CPB2: variants seen among roughly 807,000 people sequenced by gnomAD.
CPB2 encodes the protein carboxypeptidase B-like protein.
A neutral mutation model predicts 57.0 loss-of-function variants in CPB2; 54 were observed. That is an observed-to-expected ratio of 0.95 (90% confidence interval 0.76 to 1.19). The LOEUF (loss-of-function observed/expected upper bound fraction) is 1.19, where lower values mean the gene tolerates loss of function less well. CPB2 is among the 50% of genes most tolerant of loss of function. The pLI, the probability that CPB2 is intolerant of heterozygous loss-of-function variation, is 0.00. For missense variants in CPB2, 426 were observed against 512.0 expected, an observed-to-expected ratio of 0.83 and a Z score of 1.62; for synonymous variants, 189 against 178.1, an observed-to-expected ratio of 1.06 and a Z score of -0.49.
chr13:46,069,176 A>G (rs1157690557), intron 6 of CPB2, among the ~76,000 whole-genome samples: 5 of 152,196 alleles, frequency 3.3e-5, no homozygotes, highest in Non-Finnish European at 7.3e-5. Context: ...GCCCAGAACA[A>G]TGTTACCTAT....
At chr13:46,080,903 C>T (rs1025449597) in intron 4 of CPB2, among the ~76,000 whole-genome samples, 1 of 146,258 alleles carries the variant, frequency 6.8e-6, no homozygotes, top group Non-Finnish European at 1.5e-5. Flanking sequence ...ACCCAAGAGG[C>T]GCAGGTTGCA....
chr13:46,067,302 C>T lies in CPB2; in HGVS notation c.702+5G>A. The T allele has an allele frequency of 7.2e-7, 1 of 1,398,414 alleles. No individual in the cohort carries two copies. The highest frequency in any genetic ancestry group is 1.0e-6 in the Non-Finnish European group (1 of 985,934). 86.6% of individuals were successfully genotyped at this position (1,398,414 alleles called of 1,614,324 possible). ...ATGATTTGTCTTCTTTGCCTTTTCT[C>T]CTACCTTTTTCCATGAGTAGTCATA... On this transcript the variant is annotated splice_donor_5th_base_variant and intron_variant, in intron 7 of 10. Transcript: ENST00000181383.
chr13:46,067,471 AGTGT>A (rs1274424906), intron 6 of CPB2, 54 bp from the exon 7 acceptor site: 2 of 894,908 alleles, frequency 2.2e-6, no homozygotes, highest in African/African-American at 1.7e-5. Flanking sequence ...TTCTAAACTT[AGTGT>A]GTTTCTTTTT....
chr13:46,079,178 G>GT (rs1193895064), intron 4 of CPB2, among the ~76,000 whole-genome samples: 6 of 152,140 alleles, frequency 3.9e-5, no homozygotes, highest in Non-Finnish European at 7.4e-5. Flanking sequence ...GCCCCTGAAA[G>GT]TTACTTTTAA....
At chr13:46,056,671 A>G (rs2044701811) in intron 9 of CPB2, among the ~76,000 whole-genome samples, 2 of 152,168 alleles carry the variant, frequency 1.3e-5, no homozygotes, top group South Asian at 2.1e-4. Context: ...TTCTGATGCT[A>G]TCACCCTCCA....
At chr13:46,095,959 A>G (rs1191533768) in intron 1 of CPB2, among the ~76,000 whole-genome samples, 2 of 141,640 alleles carry the variant, frequency 1.4e-5, no homozygotes, top group Admixed American at 7.7e-5. Flanking sequence ...TTGGCTCACT[A>G]CAATTCTGCC....
intron 1 of CPB2, among the ~76,000 whole-genome samples, chr13:46,090,647 C>G (rs187399180): frequency 1.5e-3 from 224 of 151,626 alleles, no homozygotes; most frequent in Middle Eastern, 0.01. Flanking sequence ...CAGGTGTGAG[C>G]CACTGCACAC....
At chr13:46,067,480 CTTTT>C in intron 6 of CPB2, 63 bp from the exon 7 acceptor site, 1 of 836,348 alleles carries the variant, frequency 1.2e-6, no homozygotes, top group Middle Eastern at 2.3e-4. Flanking sequence ...TAGTGTGTTT[CTTTT>C]TCTTTTTTTT....
chr13:46,081,104 GA>G (rs1266268699), intron 4 of CPB2, among the ~76,000 whole-genome samples: 1 of 151,772 alleles, frequency 6.6e-6, no homozygotes, highest in Non-Finnish European at 1.5e-5. Context: ...CTAGCCTCTA[GA>G]ATCATGAGAA....
intron 2 of CPB2, among the ~76,000 whole-genome samples, chr13:46,084,772 C>CT (rs977701600): frequency 6.6e-6 from 1 of 151,160 alleles, no homozygotes; most frequent in Non-Finnish European, 1.5e-5. Flanking sequence ...GTCATTTTTC[C>CT]TTTTTTTAAA....
intron 4 of CPB2, among the ~76,000 whole-genome samples, chr13:46,080,084 T>C (rs2045089132): frequency 6.6e-6 from 1 of 152,260 alleles, no homozygotes; most frequent in Non-Finnish European, 1.5e-5. Flanking sequence ...GGAGAGGCTG[T>C]ATAATATGAA....
In CPB2 at chr13:46,055,998, A is replaced by G. The variant is rs2044692222; in HGVS notation, c.1000-149T>C. 9.3e-6 allele frequency: 4 copies of G among 428,030 alleles called. No individual in the cohort carries two copies. The South Asian group carries it at 2.2e-4, about 23-fold the overall frequency. The allele number at this position is 428,030 out of a possible 1,614,324, so 26.5% of individuals were successfully genotyped here. On this transcript the variant is annotated intron_variant, in intron 9 of 10. Transcript: ENST00000181383. ...TCTAAAAGGCAAATAAATAAGGTAA[A>G]CAAATTAATTTAAAATATGTGCACT... is the stretch of plus-strand genomic sequence containing the variant.
chr13:46,095,928 C>T (rs2045359767), intron 1 of CPB2, among the ~76,000 whole-genome samples: 1 of 135,492 alleles, frequency 7.4e-6, no homozygotes, highest in Non-Finnish European at 1.5e-5. Flanking sequence ...GTCACCCAGG[C>T]TGGAGTGCAA....
chr13:46,098,103 G>A (rs956852733), intron 1 of CPB2, among the ~76,000 whole-genome samples: 1 of 152,190 alleles, frequency 6.6e-6, no homozygotes, highest in African/African-American at 2.4e-5. Context: ...ATCCAGCTTA[G>A]GCGTTCTGTA....
Position 46,058,092 on chromosome 13 carries a change from CAA to C in CPB2, c.999+85_999+86del, listed in dbSNP as rs1486128578. ...CATCTATCATTTGCCTTCTAGAGGACAAAATTTTTCCCAGTTTTTGATTCTTC... is the reference window on the plus strand; with the variant it reads ...CATCTATCATTTGCCTTCTAGAGGACAATTTTTCCCAGTTTTTGATTCTTC... On this transcript the variant is annotated intron_variant, in intron 9 of 10. Transcript: ENST00000181383. 2.3e-6 allele frequency: 3 copies of C among 1,320,980 alleles called. No homozygotes were observed. In the East Asian group the frequency reaches 6.9e-5, roughly 30 times the overall value. The allele number at this position is 1,320,980 out of a possible 1,614,324, so 81.8% of individuals were successfully genotyped here.
intron 4 of CPB2, among the ~76,000 whole-genome samples, chr13:46,081,357 T>A (rs1034460105): frequency 2.6e-5 from 4 of 152,140 alleles, no homozygotes; most frequent in African/African-American, 4.8e-5. Flanking sequence ...GCAGTGACAG[T>A]TTCACCTTTT....
intron 5 of CPB2, among the ~76,000 whole-genome samples, chr13:46,074,863 C>A (rs1275876273): frequency 1.3e-5 from 2 of 152,162 alleles, no homozygotes; most frequent in African/African-American, 4.8e-5. Flanking sequence ...AACCTAAATC[C>A]TTTGCATGCG....
chr13:46,097,532 TC>T (rs1197466538), intron 1 of CPB2: 1 of 152,094 alleles, frequency 6.6e-6, no homozygotes, highest in Admixed American at 6.5e-5. Context: ...TCACATAACA[TC>T]CTATCAGATC....
intron 8 of CPB2, among the ~76,000 whole-genome samples, chr13:46,062,379 A>C (rs2044787821): frequency 6.6e-6 from 1 of 152,184 alleles, no homozygotes; most frequent in African/African-American, 2.4e-5. Flanking sequence ...GGGTTTCTCC[A>C]TCTATGATTC....
Sources: gnomAD v4.1 joint callset for allele counts (sites outside exome capture counted in the v4.1 genomes callset) on GRCh38, gnomAD v4.1.1 for gene constraint, MANE v1.5 for transcripts, NCBI Gene and HGNC (gene_info 2026-07-23, HGNC 2026-07-21) for gene names.